Variants in TAFA2 observed in about 807,000 individuals in gnomAD.
The protein encoded by TAFA2 is TAFA chemokine like family member 2, also known as chemokine-like protein TAFA-2.
A neutral mutation model predicts 18.8 loss-of-function variants in TAFA2; 7 were observed. The ratio of observed to expected loss-of-function variants is 0.37; its 90% CI spans 0.21 to 0.70. The LOEUF (loss-of-function observed/expected upper bound fraction) is 0.70, where lower values mean the gene tolerates loss of function less well. TAFA2 is among the 30% of genes least tolerant of loss of function. The pLI is 0.53. For synonymous variants in TAFA2, 60 were observed against 54.2 expected (o/e 1.11, Z -0.47); for missense variants, 122 against 158.1 (o/e 0.77, Z 1.23).
At chr12:62,007,755 A>C (rs556193415) in intron 1 of TAFA2, among the ~76,000 whole-genome samples, 46 of 136,472 alleles carry the variant, frequency 3.4e-4, no homozygotes, top group Non-Finnish European at 6.8e-4. Context: ...TGATATTTAC[A>C]TACATGTATA....
At chr12:62,066,786 T>C (rs565585982) in intron 1 of TAFA2, among the ~76,000 whole-genome samples, 10 of 152,212 alleles carry the variant, frequency 6.6e-5, no homozygotes, top group African/African-American at 7.2e-5. Flanking sequence ...GGAATGCAGA[T>C]ATATTTTCAA....
chr12:61,800,599 G>C (rs1871362635), intron 2 of TAFA2, among the ~76,000 whole-genome samples: 1 of 152,090 alleles, frequency 6.6e-6, no homozygotes, highest in Admixed American at 6.5e-5. Flanking sequence ...AAAGTATGGA[G>C]GTCATTAGCA....
At chr12:61,786,605 A>G (rs2120909592) in intron 2 of TAFA2, among the ~76,000 whole-genome samples, 1 of 151,700 alleles carries the variant, frequency 6.6e-6, no homozygotes, top group South Asian at 2.1e-4. Context: ...AGATAAATTG[A>G]ACATGTTAAA....
intron 2 of TAFA2, among the ~76,000 whole-genome samples, chr12:61,793,641 T>C (rs1207375394): frequency 6.6e-6 from 1 of 151,802 alleles, no homozygotes. Flanking sequence ...CCCAGTTGGC[T>C]TTATTTGCTA....
intron 1 of TAFA2, among the ~76,000 whole-genome samples, chr12:61,927,693 G>A (rs904649366): frequency 7.9e-5 from 12 of 152,148 alleles, no homozygotes; most frequent in South Asian, 2.1e-4. Context: ...AAAAGAGTCC[G>A]TATAGCCAAG....
intron 2 of TAFA2, among the ~76,000 whole-genome samples, chr12:61,791,002 G>T (rs1337481964): frequency 6.6e-6 from 1 of 151,684 alleles, no homozygotes; most frequent in African/African-American, 2.4e-5. Context: ...GTACTGACAT[G>T]AAAAGAAACA....
At chr12:61,966,548 C>T (rs910112519) in intron 1 of TAFA2, among the ~76,000 whole-genome samples, 4 of 151,888 alleles carry the variant, frequency 2.6e-5, no homozygotes, top group African/African-American at 9.7e-5. Flanking sequence ...CATTCACCAA[C>T]ACTCATTATT....
At chr12:61,726,560 C>A (rs1057149787) in intron 4 of TAFA2, among the ~76,000 whole-genome samples, 1 of 151,950 alleles carries the variant, frequency 6.6e-6, no homozygotes, top group African/African-American at 2.4e-5. Context: ...TATAGCAGTG[C>A]TACTGATTTG....
At chr12:61,978,670 TG>T (rs1461927032) in intron 1 of TAFA2, among the ~76,000 whole-genome samples, 2 of 151,920 alleles carry the variant, frequency 1.3e-5, no homozygotes, top group African/African-American at 2.4e-5. Flanking sequence ...CTGGATAAAA[TG>T]TAGATTTCAG....
At chr12:62,072,235 C>T (rs1043817117) in intron 1 of TAFA2, among the ~76,000 whole-genome samples, 6 of 151,056 alleles carry the variant, frequency 4.0e-5, no homozygotes, top group East Asian at 3.9e-4. Flanking sequence ...AAGGCCGAGG[C>T]GGGCGGATCA....
At chr12:62,159,704 TG>T (rs1308752012) in intron 1 of TAFA2, among the ~76,000 whole-genome samples, 1 of 151,112 alleles carries the variant, frequency 6.6e-6, no homozygotes, top group African/African-American at 2.4e-5. Context: ...TTTAGGGACT[TG>T]GGGGAAGAGT....
intron 1 of TAFA2, among the ~76,000 whole-genome samples, chr12:62,068,555 T>TA (rs1882550416): frequency 1.3e-5 from 2 of 152,140 alleles, no homozygotes; most frequent in Non-Finnish European, 2.9e-5. Context: ...AAATAGGTCT[T>TA]ACAATAGTTA....
chr12:61,951,764 A>G (rs1878475590), intron 1 of TAFA2, among the ~76,000 whole-genome samples: 1 of 152,102 alleles, frequency 6.6e-6, no homozygotes, highest in Non-Finnish European at 1.5e-5. Flanking sequence ...CAAAGCTAAC[A>G]ATGTGCCATA....
At chr12:62,004,140 A>T (rs566272350) in intron 1 of TAFA2, among the ~76,000 whole-genome samples, 2 of 152,264 alleles carry the variant, frequency 1.3e-5, no homozygotes, top group South Asian at 4.1e-4. Context: ...AAAATAAATA[A>T]ATTATAAAGG....
At position 61,887,681 on chromosome 12, in the gene TAFA2, A is replaced by C. The variant is rs1010959280; in HGVS notation, c.-1-20255T>G. 2.6e-4 allele frequency among the ~76,000 whole-genome samples: 39 copies of C among 147,508 alleles called. 1 individual carries two copies. The South Asian group carries it at 3.0e-3, about 11-fold the overall frequency. On this transcript the variant is annotated intron_variant, in intron 1 of 4. Transcript: ENST00000416284. ...TTCCCACCTAAGAGTGAGAATATGC[A>C]GTGTTTGGTTTTTTGTTCTTGCGAT...
At chr12:62,093,762 T>C (rs916995505) in intron 1 of TAFA2, among the ~76,000 whole-genome samples, 5 of 152,030 alleles carry the variant, frequency 3.3e-5, no homozygotes, top group African/African-American at 1.2e-4. Flanking sequence ...TGTTCATACT[T>C]TGAGGGTGTA....
chr12:62,011,408 A>C (rs1880761716), intron 1 of TAFA2, among the ~76,000 whole-genome samples: 1 of 152,128 alleles, frequency 6.6e-6, no homozygotes, highest in African/African-American at 2.4e-5. Context: ...TACTAAGAAA[A>C]ATTCTTCTGC....
intron 1 of TAFA2, among the ~76,000 whole-genome samples, chr12:62,169,440 G>A (rs1322836378): frequency 6.6e-6 from 1 of 152,132 alleles, no homozygotes; most frequent in Admixed American, 6.5e-5. Flanking sequence ...GCTCTGCAGG[G>A]TTTTCTGTGC....
intron 1 of TAFA2, among the ~76,000 whole-genome samples, chr12:61,908,517 C>T (rs1876461345): frequency 6.6e-6 from 1 of 152,032 alleles, no homozygotes; most frequent in Non-Finnish European, 1.5e-5. Context: ...ATTACCCCAT[C>T]TCTCAGGTAT....
Sources: gnomAD v4.1 joint callset for allele counts (sites outside exome capture counted in the v4.1 genomes callset) on GRCh38, gnomAD v4.1.1 for gene constraint, MANE v1.5 for transcripts, NCBI Gene and HGNC (gene_info 2026-07-23, HGNC 2026-07-21) for gene names.